The following XRN1 variants were observed in gnomAD, a reference collection of about 807,000 sequenced individuals.
XRN1 encodes 5'-3' exoribonuclease 1, also known as strand-exchange protein 1 homolog.
A neutral mutation model predicts 222.3 loss-of-function variants in XRN1; 67 were observed. That is an observed-to-expected ratio of 0.30 (90% CI 0.25 to 0.37). The LOEUF (loss-of-function observed/expected upper bound fraction) is 0.37. XRN1 is among the 10% of genes least tolerant of loss of function. The pLI is 1.00. For synonymous variants in XRN1, 643 were observed against 652.4 expected, an observed-to-expected ratio of 0.99 and a Z score of 0.22; for missense variants, 1,707 against 2,000.2, an observed-to-expected ratio of 0.85 and a Z score of 2.80.
At chr3:142,327,698 AG>A (rs2065559992) in intron 37 of XRN1, among the ~76,000 whole-genome samples, 1 of 152,112 alleles carries the variant, frequency 6.6e-6, no homozygotes, top group Non-Finnish European at 1.5e-5. Context: ...TATAAACGTA[AG>A]GGGTGCGAGT....
chr3:142,349,914 G>A (rs909280433), intron 32 of XRN1, among the ~76,000 whole-genome samples: 3 of 152,126 alleles, frequency 2.0e-5, no homozygotes, highest in African/African-American at 7.2e-5. Flanking sequence ...TGATTCTCAA[G>A]GAAATAGGAG....
chr3:142,370,729 G>A (rs1006171102), intron 26 of XRN1, 109 bp from the exon 27 acceptor site: 30 of 900,102 alleles, frequency 3.3e-5, no homozygotes, highest in African/African-American at 3.3e-4. Flanking sequence ...GAACTTAATC[G>A]GGACTAATTC....
chr3:142,413,896 G>A (rs534632050), intron 14 of XRN1, among the ~76,000 whole-genome samples: 1 of 152,198 alleles, frequency 6.6e-6, no homozygotes, highest in African/African-American at 2.4e-5. Flanking sequence ...TCTGTTTAAA[G>A]GTGCTGAAAA....
At position 142,307,192 on chromosome 3, in the gene XRN1, AG is replaced by A. The variant is rs1416511140; in HGVS notation, c.*4318del. On this transcript the variant is annotated 3_prime_UTR_variant, in exon 41 of 41. Transcript: ENST00000392981. ...AAACCCTTAACTGTAAGGGAAAGAA[AG>A]GAAGAGAGAACTTAAAGCTAACTAT... 1 of 152,204 alleles carries A rather than the reference AG, an allele frequency of 6.6e-6. No individual in the cohort carries two copies. Among genetic ancestry groups the A allele is most frequent in the Non-Finnish European group, 1.5e-5 (1 of 68,026 alleles). The allele number at this position is 152,204 out of a possible 1,614,324, so 9.4% of individuals were successfully genotyped here.
In XRN1 at chr3:142,357,085, T is replaced by C; in HGVS notation, c.3499A>G (p.Ser1167Gly). Reference sequence around the variant, plus strand: ...CCATGAGAAAGGTTCACCAAGGCACTTGTTGGCAGTCGATAACCTCTACCA... The same window carrying C: ...CCATGAGAAAGGTTCACCAAGGCACCTGTTGGCAGTCGATAACCTCTACCA... ...SPGRGYRLPTSALVNLSHGSR... is the reference protein window; with the variant it reads ...SPGRGYRLPTGALVNLSHGSR... The change falls in exon 31 of 41, where the codon AGT (serine) becomes GGT (glycine). Residue 1167 changes from serine to glycine, a missense_variant. By Grantham distance (56) the Ser-to-Gly change is moderately conservative. Around this residue, in one of 2 missense-constraint regions of XRN1, gnomAD observed 1,234 missense variants for 1,518.2 expected, o/e 0.81. Transcript: ENST00000392981. 1 of 1,613,456 alleles carries C rather than the reference T, an allele frequency of 6.2e-7. No individual in the cohort carries two copies. Among genetic ancestry groups the C allele is most frequent in the South Asian group, 1.1e-5 (1 of 90,934 alleles).
intron 25 of XRN1, among the ~76,000 whole-genome samples, chr3:142,373,760 G>A (rs1271257791): frequency 6.6e-6 from 1 of 152,140 alleles, no homozygotes; most frequent in Non-Finnish European, 1.5e-5. Context: ...GGCCGAGGCA[G>A]GCAGATCACT....
intron 29 of XRN1, among the ~76,000 whole-genome samples, chr3:142,362,904 G>T (rs2066692435): frequency 6.6e-6 from 1 of 151,490 alleles, no homozygotes; most frequent in South Asian, 2.1e-4. Context: ...CTGATTAGCT[G>T]GGAGTACAGG....
chr3:142,448,005 T>G lies in XRN1; in HGVS notation c.-61A>C. The G allele has an allele frequency of 6.4e-7, 1 of 1,562,370 alleles. No individual in the cohort carries two copies. The highest frequency in any genetic ancestry group is 8.8e-7 in the Non-Finnish European group (1 of 1,138,444). On this transcript the variant is annotated 5_prime_UTR_variant, in exon 1 of 41. Transcript: ENST00000392981. ...CCGAAACCAAACGCCCCGCCGGGGC[T>G]CCGCCGCAGCCTCCGGTCGTCGCTC...
chr3:142,364,101 A>T (rs2066740642), intron 29 of XRN1, among the ~76,000 whole-genome samples: 1 of 152,228 alleles, frequency 6.6e-6, no homozygotes, highest in African/African-American at 2.4e-5. Context: ...TACTTAACTT[A>T]TCAGGTGAGG....
At chr3:142,323,286 T>A (rs2065412588) in intron 37 of XRN1, among the ~76,000 whole-genome samples, 1 of 150,214 alleles carries the variant, frequency 6.7e-6, no homozygotes, top group Non-Finnish European at 1.5e-5. Flanking sequence ...TCTTAAGGTT[T>A]TTTTTTTGTT....
chr3:142,380,675 A>C (rs2067275999), intron 22 of XRN1, among the ~76,000 whole-genome samples: 1 of 151,784 alleles, frequency 6.6e-6, no homozygotes, highest in Admixed American at 6.6e-5. Context: ...TTTTTTGGCA[A>C]CAGGGTCTTG....
chr3:142,401,994 T>C (rs537583604), intron 18 of XRN1, among the ~76,000 whole-genome samples: 6 of 152,310 alleles, frequency 3.9e-5, no homozygotes, highest in African/African-American at 1.4e-4. Flanking sequence ...CCTCTCTGTT[T>C]CTACTGGCTC....
intron 1 of XRN1, chr3:142,435,835 G>T (rs1238088915): frequency 6.6e-6 from 1 of 151,280 alleles, no homozygotes; most frequent in Non-Finnish European, 1.5e-5. Flanking sequence ...AGGCCAAGGC[G>T]GGTGGATCAC....
intron 33 of XRN1, among the ~76,000 whole-genome samples, chr3:142,345,281 A>G (rs1231880459): frequency 6.6e-6 from 1 of 152,196 alleles, no homozygotes; most frequent in Non-Finnish European, 1.5e-5. Context: ...TGGGGTGTCA[A>G]GAAAATTCAA....
At chr3:142,431,875 TTATATATATTATATATAA>T (rs1176738726) in intron 2 of XRN1, among the ~76,000 whole-genome samples, 6 of 32,102 alleles carry the variant, frequency 1.9e-4, no homozygotes, top group African/African-American at 2.8e-4. Flanking sequence ...ATATATTATA[TTATATATATTATATATAA>T]TATATATATT....
chr3:142,361,780 A>G (rs2066637770), intron 29 of XRN1, among the ~76,000 whole-genome samples: 1 of 152,084 alleles, frequency 6.6e-6, no homozygotes, highest in South Asian at 2.1e-4. Flanking sequence ...CATTTTAAAA[A>G]TTGGGTTAAG....
Position 142,431,876 on chromosome 3 carries a change from T to A in XRN1, c.308+785A>T, listed in dbSNP as rs368206166. On this transcript the variant is annotated intron_variant, in intron 2 of 40. Transcript: ENST00000392981. ...ATATATTATATATAATATATTATATTATATATATTATATATAATATATATA... is the reference window on the plus strand; with the variant it reads ...ATATATTATATATAATATATTATATAATATATATTATATATAATATATATA... 5.5e-3 allele frequency among the ~76,000 whole-genome samples: 117 copies of A among 21,426 alleles called. 5 individuals are homozygous for A. The African/African-American group carries it at 0.058, about 11-fold the overall frequency. 14.1% of individuals were successfully genotyped at this position (21,426 alleles called of 152,430 possible). A position where few individuals can be genotyped will look rare whatever the true frequency, so the allele number is the denominator to read the frequency against.
intron 15 of XRN1, among the ~76,000 whole-genome samples, chr3:142,410,870 C>T (rs758998453): frequency 5.3e-5 from 8 of 151,986 alleles, no homozygotes; most frequent in Non-Finnish European, 1.2e-4. Context: ...TCTTTTAATG[C>T]CATGTCAAAT....
Position 142,313,339 on chromosome 3 carries a change from A to G in XRN1, c.4622-581T>C, listed in dbSNP as rs111902987. 8.6e-4 allele frequency among the ~76,000 whole-genome samples: 131 copies of G among 152,300 alleles called. 2 individuals are homozygous for G. Among genetic ancestry groups the G allele is most frequent in the African/African-American group, 2.9e-3 (120 of 41,568 alleles). On this transcript the variant is annotated intron_variant, in intron 39 of 40. Transcript: ENST00000392981. Reference sequence around the variant, plus strand: ...CCAATGGGTGCCAAATCTAATTTGTATATCTGAATCACTTGAGGAGTTTGT... The same window carrying G: ...CCAATGGGTGCCAAATCTAATTTGTGTATCTGAATCACTTGAGGAGTTTGT...
Sources: allele counts gnomAD v4.1 joint callset (sites outside exome capture counted in the v4.1 genomes callset), GRCh38; gene constraint gnomAD v4.1.1; regional missense constraint gnomAD v4.1.1; transcripts MANE v1.5; gene names NCBI Gene and HGNC (gene_info 2026-07-23, HGNC 2026-07-21).